PXYLP1: variants seen among roughly 807,000 people sequenced by gnomAD.
The protein encoded by PXYLP1 is acid phosphatase-like 2.
In PXYLP1, 17 loss-of-function variants were observed where a neutral mutation model predicts 37.9. The observed-to-expected ratio is 0.45, with a 90% CI of 0.31 to 0.67. The LOEUF (loss-of-function observed/expected upper bound fraction) is 0.67. Among genes scored for constraint, PXYLP1 ranks in the 30% least tolerant of loss-of-function variants. The pLI, the probability that PXYLP1 is intolerant of heterozygous loss-of-function variation, is 0.07. For synonymous variants in PXYLP1, 221 were observed against 232.2 expected, an observed-to-expected ratio of 0.95 and a Z score of 0.44; for missense variants, 511 against 612.0, an observed-to-expected ratio of 0.84 and a Z score of 1.74.
At chr3:141,262,522 C>A in intron 2 of PXYLP1, 2 of 835,364 alleles carry the variant, frequency 2.4e-6, no homozygotes, top group Non-Finnish European at 3.4e-6. Context: ...GTTTCCACGT[C>A]ACTGAATTGG....
At chr3:141,284,889 C>A (rs1195204150) in intron 4 of PXYLP1, among the ~76,000 whole-genome samples, 1 of 152,150 alleles carries the variant, frequency 6.6e-6, no homozygotes, top group Non-Finnish European at 1.5e-5. Context: ...GTATTCATTT[C>A]TACAGATTAT....
intron 2 of PXYLP1, among the ~76,000 whole-genome samples, chr3:141,265,085 C>T (rs868163627): frequency 6.6e-6 from 1 of 152,082 alleles, no homozygotes; most frequent in African/African-American, 2.4e-5. Context: ...TACAGGTGCT[C>T]CTGGCCAAAT....
At chr3:141,274,104 G>A in intron 2 of PXYLP1, 2 of 994,160 alleles carry the variant, frequency 2.0e-6, no homozygotes, top group Non-Finnish European at 2.4e-6. Flanking sequence ...AGGCACGGGG[G>A]GCCTGGGCAA....
intron 1 of PXYLP1, chr3:141,232,402 C>T (rs1940541387): frequency 6.6e-6 from 1 of 152,308 alleles, no homozygotes; most frequent in Admixed American, 6.5e-5. Flanking sequence ...CGGGATCCCC[C>T]TTCCCGGGCG....
At chr3:141,245,044 C>CT (rs1357052587) in intron 1 of PXYLP1, among the ~76,000 whole-genome samples, 4 of 86,446 alleles carry the variant, frequency 4.6e-5, no homozygotes, top group African/African-American at 1.3e-4. Flanking sequence ...CCACTAACTC[C>CT]CTTTTTTTTT....
At chr3:141,286,161 TA>T (rs2148832602) in intron 4 of PXYLP1, among the ~76,000 whole-genome samples, 1 of 152,338 alleles carries the variant, frequency 6.6e-6, no homozygotes, top group Non-Finnish European at 1.5e-5. Context: ...GGAAAATGTA[TA>T]TACATTCATA....
intron 1 of PXYLP1, among the ~76,000 whole-genome samples, chr3:141,255,870 A>G (rs72982504): frequency 6.6e-6 from 1 of 152,180 alleles, no homozygotes; most frequent in Admixed American, 6.5e-5. Flanking sequence ...CTGGTACCTC[A>G]TCCTCTTGGA....
In PXYLP1 at chr3:141,282,487, C is replaced by CACAT. The variant is rs1234461639; in HGVS notation, c.365+2986_365+2987insTACA. Reference sequence around the variant, plus strand: ...TGTTACTTTCTAACCCAGACAAACACACACACACACACACACACACACACA... The same window carrying CACAT: ...TGTTACTTTCTAACCCAGACAAACACACATACACACACACACACACACACACACA... On this transcript the variant is annotated intron_variant, in intron 4 of 5. Coordinates refer to ENST00000286353, the MANE Select transcript of PXYLP1 (RefSeq NM_001037172.3). 1.8e-3 allele frequency among the ~76,000 whole-genome samples: 264 copies of CACAT among 150,292 alleles called. 2 individuals are homozygous for CACAT. Among genetic ancestry groups the CACAT allele is most frequent in the Admixed American group, 0.014 (215 of 15,044 alleles).
At chr3:141,250,935 T>G (rs1183662715) in intron 1 of PXYLP1, among the ~76,000 whole-genome samples, 1 of 152,168 alleles carries the variant, frequency 6.6e-6, no homozygotes, top group South Asian at 2.1e-4. Context: ...AAACAAAAAC[T>G]AAAGTGCAAA....
At chr3:141,278,896 G>C (rs1227168306) in intron 3 of PXYLP1, among the ~76,000 whole-genome samples, 1 of 152,260 alleles carries the variant, frequency 6.6e-6, no homozygotes, top group Non-Finnish European at 1.5e-5. Context: ...AGGATGTCCT[G>C]CTGGCGTCTT....
chr3:141,284,757 G>A (rs527474258), intron 4 of PXYLP1, among the ~76,000 whole-genome samples: 1 of 152,222 alleles, frequency 6.6e-6, no homozygotes, highest in East Asian at 1.9e-4. Context: ...TTCTTATTGG[G>A]TTTTTTCCAA....
chr3:141,256,524 ACACACACACACACGTATGCGCGTGTGCG>A (rs373633666), intron 1 of PXYLP1, among the ~76,000 whole-genome samples: 3 of 151,812 alleles, frequency 2.0e-5, no homozygotes, highest in East Asian at 1.9e-4. Context: ...ACGTATACAT[ACACACACACACACGTATGCGCGTGTGCG>A]CACACACACA....
chr3:141,239,063 CT>C (rs1376217763), intron 1 of PXYLP1, among the ~76,000 whole-genome samples: 1 of 44,634 alleles, frequency 2.2e-5, no homozygotes, highest in African/African-American at 2.2e-4. Context: ...GAAGTTTTGT[CT>C]TAAAAAAAAA....
intron 1 of PXYLP1, among the ~76,000 whole-genome samples, chr3:141,246,270 C>A (rs1030987503): frequency 2.6e-5 from 4 of 152,172 alleles, no homozygotes; most frequent in African/African-American, 9.7e-5. Flanking sequence ...CAGCTCTCTG[C>A]AAACACGCAG....
At chr3:141,278,729 C>T (rs1053915991) in intron 3 of PXYLP1, among the ~76,000 whole-genome samples, 1 of 152,052 alleles carries the variant, frequency 6.6e-6, no homozygotes, top group Admixed American at 6.5e-5. Flanking sequence ...TCTGAACATA[C>T]CACGTGGCTC....
At position 141,292,415 on chromosome 3, in the gene PXYLP1, T is replaced by C. The variant is rs931849979; in HGVS notation, c.653T>C (p.Leu218Pro). The change falls in exon 6 of 6, where the codon CTT becomes CCT. Residue 218 changes from leucine (L) to proline (P), a missense_variant. By Grantham distance (98) the Leu-to-Pro change is moderately conservative. Transcript: ENST00000286353. The surrounding 1 kb of genome is among the most constrained non-coding windows in gnomAD (Gnocchi z 4.3). ...SRTLQSGLAL[L>P]YGFLPDFDWK... ...ACCCTACAAAGTGGGCTGGCCTTGCTTTATGGCTTTCTCCCAGATTTTGAC... is the reference window on the plus strand; with the variant it reads ...ACCCTACAAAGTGGGCTGGCCTTGCCTTATGGCTTTCTCCCAGATTTTGAC... 1.2e-6 allele frequency: 2 copies of C among 1,614,224 alleles called. No homozygotes were observed. The highest frequency in any genetic ancestry group is 8.5e-7 in the Non-Finnish European group (1 of 1,180,048).
intron 1 of PXYLP1, among the ~76,000 whole-genome samples, chr3:141,252,762 G>C (rs184359493): frequency 3.9e-5 from 6 of 152,314 alleles, no homozygotes; most frequent in Non-Finnish European, 7.3e-5. Flanking sequence ...TCACATCTGG[G>C]CATGACAGTG....
At chr3:141,256,543 C>T (rs562657052) in intron 1 of PXYLP1, among the ~76,000 whole-genome samples, 4 of 152,186 alleles carry the variant, frequency 2.6e-5, no homozygotes, top group Admixed American at 6.5e-5. Flanking sequence ...CACACGTATG[C>T]GCGTGTGCGC....
chr3:141,273,258 A>G, intron 2 of PXYLP1: 1 of 985,456 alleles, frequency 1.0e-6, no homozygotes, highest in African/African-American at 1.7e-5. Context: ...GGCCAGATGG[A>G]CAAATGCATA....
Sources: allele counts gnomAD v4.1 joint callset (sites outside exome capture counted in the v4.1 genomes callset), GRCh38; gene constraint gnomAD v4.1.1; non-coding constraint Gnocchi (gnomAD v3.1); transcripts MANE v1.5; gene names NCBI Gene and HGNC (gene_info 2026-07-23, HGNC 2026-07-21).